OLFML2A: variants seen among roughly 807,000 people sequenced by gnomAD.
OLFML2A encodes the protein olfactomedin-like protein 2A.
In OLFML2A, 47 loss-of-function variants were observed where a neutral mutation model predicts 60.9. That is an observed-to-expected ratio of 0.77 (90% CI 0.61 to 0.98). The LOEUF (loss-of-function observed/expected upper bound fraction) is 0.98, where lower values mean the gene tolerates loss of function less well. Among genes scored for constraint, OLFML2A ranks in the 50% least tolerant of loss-of-function variants. The pLI is 0.00. For synonymous variants in OLFML2A, 372 were observed against 375.0 expected, an observed-to-expected ratio of 0.99 and a Z score of 0.09; for missense variants, 922 against 879.8, an observed-to-expected ratio of 1.05 and a Z score of -0.61.
rs1276167657 is a variant in OLFML2A at position 124,777,380 on chromosome 9, C to T, written c.90+20C>T. On this transcript the variant is annotated intron_variant, in intron 1 of 7. Coordinates refer to ENST00000373580, the MANE Select transcript of OLFML2A (RefSeq NM_182487.4). This position sits in a 1 kb window ranked among gnomAD's most constrained non-coding sequence, Gnocchi z 6.2. ...AGTAAGGTACGCACGCCCCTCGGAC[C>T]CGCGCGGCTCGGCGGGTAGCGGGGC... 8.9e-6 allele frequency: 11 copies of T among 1,239,100 alleles called. No homozygotes were observed. Among genetic ancestry groups the T allele is most frequent in the Non-Finnish European group, 1.1e-5 (11 of 990,050 alleles). 76.8% of individuals were successfully genotyped at this position (1,239,100 alleles called of 1,614,324 possible).
intron 1 of OLFML2A, 32 bp from the exon 2 acceptor site, chr9:124,786,943 C>T (rs1394963098): frequency 1.3e-6 from 2 of 1,588,920 alleles, no homozygotes; most frequent in Admixed American, 3.4e-5. Context: ...CTAGCAGCAA[C>T]TCACTGGAGC....
At chr9:124,785,532 G>T (rs1420359917) in intron 1 of OLFML2A, among the ~76,000 whole-genome samples, 1 of 151,502 alleles carries the variant, frequency 6.6e-6, no homozygotes, top group Non-Finnish European at 1.5e-5. Flanking sequence ...CGAGTAGCTG[G>T]GACCACAGGC....
rs1841931563 is a variant in OLFML2A, at chr9:124,807,861, G to T, written c.1249G>T (p.Ala417Ser). The T allele has an allele frequency of 1.9e-6, 3 of 1,614,130 alleles. No individual in the cohort carries two copies. Among genetic ancestry groups the T allele is most frequent in the African/African-American group, 1.3e-5 (1 of 75,034 alleles). The change falls in exon 7 of 8, where the codon GCC (alanine) becomes TCC (serine). Residue 417 changes from alanine to serine, a missense_variant. Coordinates refer to ENST00000373580, the MANE Select transcript of OLFML2A (RefSeq NM_182487.4). Reference sequence around the variant, plus strand: ...CCACAGCTATGGGCGCCACGAGGGAGCCTGGATGAAGGACCCTGCAGCTCG... The same window carrying T: ...CCACAGCTATGGGCGCCACGAGGGATCCTGGATGAAGGACCCTGCAGCTCG... ...RHHSYGRHEGAWMKDPAARDD... is the reference protein window; with the variant it reads ...RHHSYGRHEGSWMKDPAARDD...
rs933199709 is a variant in OLFML2A at position 124,814,037 on chromosome 9, G to A, written c.*3625G>A. 1 of 152,240 alleles carries A rather than the reference G, an allele frequency of 6.6e-6. No individual in the cohort carries two copies. Among genetic ancestry groups the A allele is most frequent in the Non-Finnish European group, 1.5e-5 (1 of 68,044 alleles). The allele number at this position is 152,240 out of a possible 1,614,324, so 9.4% of individuals were successfully genotyped here. On this transcript the variant is annotated 3_prime_UTR_variant, in exon 8 of 8. Transcript: ENST00000373580. The stretch of plus-strand genomic sequence containing the variant: ...GGTGTTTCTGAACAACGTGACTCAT[G>A]AGGGGCTTTGGCTACCTCTTGCGTT...
Position 124,812,200 on chromosome 9 carries a change from G to A in OLFML2A, c.*1788G>A, listed in dbSNP as rs150084743. On this transcript the variant is annotated 3_prime_UTR_variant, in exon 8 of 8. Transcript: ENST00000373580. ...TTTGAGTTGGAGTTTTGCTCTTGTC[G>A]CCCAGGCTGGAGTGCAGTGGCGCGA... 3,023 of 148,188 alleles carry A rather than the reference G, an allele frequency of 0.02. 102 individuals are homozygous for A. The highest frequency in any genetic ancestry group is 0.072 in the African/African-American group (2,863 of 40,012). The allele number at this position is 148,188 out of a possible 1,614,324, so 9.2% of individuals were successfully genotyped here.
At position 124,808,413 on chromosome 9, in the gene OLFML2A, G is replaced by T. The variant is rs1841944980; in HGVS notation, c.1354+447G>T. Among the ~76,000 whole-genome samples, 3 of 152,302 alleles carry T rather than the reference G, an allele frequency of 2.0e-5. No individual in the cohort carries two copies. In the South Asian group the frequency reaches 6.2e-4, roughly 32 times the overall value. ...TTAGCGGAGCTGCAGGTCTGGGCAGGGGCCAGGATGGAGCTGACGGCACAG... is the reference window on the plus strand; with the variant it reads ...TTAGCGGAGCTGCAGGTCTGGGCAGTGGCCAGGATGGAGCTGACGGCACAG... On this transcript the variant is annotated intron_variant, in intron 7 of 7. Transcript: ENST00000373580.
intron 1 of OLFML2A, among the ~76,000 whole-genome samples, chr9:124,784,968 T>C (rs1363183264): frequency 7.4e-6 from 1 of 135,520 alleles, no homozygotes; most frequent in Non-Finnish European, 1.6e-5. Context: ...TTTTTTTTTT[T>C]TTTGAGACGG....
intron 6 of OLFML2A, among the ~76,000 whole-genome samples, chr9:124,805,685 A>G (rs757714227): frequency 8.6e-5 from 13 of 152,018 alleles, no homozygotes; most frequent in Non-Finnish European, 1.5e-4. Flanking sequence ...CAGGTGACTG[A>G]TACATTAAAA....
rs531999292 is a variant in OLFML2A, at chr9:124,803,683, T to C, written c.920-411T>C. ...ACAAGAGCTTCTCTCTAGAATTGAA[T>C]CTAGCAAATGAGAGAACTGGTACAA... On this transcript the variant is annotated intron_variant, in intron 5 of 7. Coordinates refer to ENST00000373580, the MANE Select transcript of OLFML2A (RefSeq NM_182487.4). 5.9e-4 allele frequency among the ~76,000 whole-genome samples: 90 copies of C among 152,356 alleles called. 1 individual carries two copies. In the South Asian group the frequency reaches 0.018, roughly 30 times the overall value.
chr9:124,777,344 C>G lies in OLFML2A; in HGVS notation c.74C>G (p.Thr25Arg), dbSNP rs1307312394. The change falls in exon 1 of 8, where the codon ACG (threonine) becomes AGG (arginine). Residue 25 changes from threonine (T) to arginine (R), a missense_variant. Thr to Arg is a moderately conservative substitution (Grantham distance 71). Coordinates refer to ENST00000373580, the MANE Select transcript of OLFML2A (RefSeq NM_182487.4). This position sits in a 1 kb window ranked among gnomAD's most constrained non-coding sequence, Gnocchi z 6.2. ...GTGCTGCTGCTGAGCGGCCGCCCCA[C>G]GCGCGCCGACAGTAAGGTACGCACG... ...PLVLLLSGRP[T>R]RADSKVFGDL... 2 of 1,289,112 alleles carry G rather than the reference C, an allele frequency of 1.6e-6. No homozygotes were observed. The highest frequency in any genetic ancestry group is 3.3e-5 in the Admixed American group (1 of 29,860). The allele number at this position is 1,289,112 out of a possible 1,614,324, so 79.9% of individuals were successfully genotyped here.
At position 124,783,608 on chromosome 9, in the gene OLFML2A, A is replaced by C. The variant is rs112059713; in HGVS notation, c.91-3367A>C. Among the ~76,000 whole-genome samples, 706 of 152,366 alleles carry C rather than the reference A, an allele frequency of 4.6e-3. 3 individuals carry two copies. Among genetic ancestry groups the C allele is most frequent in the African/African-American group, 0.016 (681 of 41,576 alleles). ...AAAGCCCATGTTACAGATGAAACAGAGGCACAGAAATATTAAGTTGCCTAC... is the reference window on the plus strand; with the variant it reads ...AAAGCCCATGTTACAGATGAAACAGCGGCACAGAAATATTAAGTTGCCTAC... On this transcript the variant is annotated intron_variant, in intron 1 of 7. Transcript: ENST00000373580.
chr9:124,800,272 G>T (rs980557667), intron 4 of OLFML2A, among the ~76,000 whole-genome samples: 1 of 152,210 alleles, frequency 6.6e-6, no homozygotes, highest in Non-Finnish European at 1.5e-5. Flanking sequence ...AGTCACCCTT[G>T]GGCAAGACAC....
rs751332771 is a variant in OLFML2A, at chr9:124,810,037, C to G, written c.1584C>G (p.Ser528Arg). 9 of 1,613,798 alleles carry G rather than the reference C, an allele frequency of 5.6e-6. No homozygotes were observed. In the East Asian group the frequency reaches 1.8e-4, roughly 32 times the overall value. Residue 528 changes from serine (S) to arginine (R), a missense_variant, in exon 8 of 8, where the codon AGC (serine) becomes AGG (arginine). Transcript: ENST00000373580. Reference protein sequence around the residue: ...HSDIDFAVDESGLWVIYPAVD... With the variant: ...HSDIDFAVDERGLWVIYPAVD... Reference sequence around the variant, plus strand: ...ACATTGACTTTGCCGTGGACGAGAGCGGCCTGTGGGTCATCTACCCCGCCG... The same window carrying G: ...ACATTGACTTTGCCGTGGACGAGAGGGGCCTGTGGGTCATCTACCCCGCCG...
intron 5 of OLFML2A, among the ~76,000 whole-genome samples, 154 bp downstream of exon 5, chr9:124,801,817 C>A (rs1007840196): frequency 3.9e-5 from 6 of 152,204 alleles, no homozygotes; most frequent in Non-Finnish European, 8.8e-5. Flanking sequence ...GAGGATAACA[C>A]CCCACTCAGG....
Position 124,810,113 on chromosome 9 carries a change from G to A in OLFML2A, c.1660G>A (p.Asp554Asn), listed in dbSNP as rs751418527. ...CGAGGTGATCGTCCTGAGTCGCTTG[G>A]ACCCCGGCGATCTCTCCGTGCACCG... The part of the protein sequence containing the change: ...QPEVIVLSRL[D>N]PGDLSVHRET... Residue 554 changes from aspartate to asparagine, a missense_variant, in exon 8 of 8, where the codon GAC becomes AAC. By Grantham distance (23) the Asp-to-Asn change is conservative. Transcript: ENST00000373580. 6.2e-7 allele frequency: 1 copy of A among 1,613,790 alleles called. No individual in the cohort carries two copies. Among genetic ancestry groups the A allele is most frequent in the East Asian group, 2.2e-5 (1 of 44,880 alleles).
At chr9:124,809,350 A>G (rs1841957445) in intron 7 of OLFML2A, among the ~76,000 whole-genome samples, 1 of 152,046 alleles carries the variant, frequency 6.6e-6, no homozygotes, top group Non-Finnish European at 1.5e-5. Flanking sequence ...ACAAAGGGTT[A>G]TGGGAGGCTG....
chr9:124,803,974 G>A (rs1841834946), intron 5 of OLFML2A, 120 bp from the exon 6 acceptor site: 2 of 1,101,474 alleles, frequency 1.8e-6, no homozygotes, highest in South Asian at 1.6e-5. Context: ...AGGAGGCCCT[G>A]AGGAGGCCTC....
At chr9:124,800,826 CAT>C in intron 4 of OLFML2A, 3 of 1,376,136 alleles carry the variant, frequency 2.2e-6, no homozygotes, top group Non-Finnish European at 2.8e-6. Flanking sequence ...GCATCGGAGG[CAT>C]TTAAATAGGA....
At chr9:124,803,969 G>T in intron 5 of OLFML2A, 125 bp from the exon 6 acceptor site, 1 of 1,015,936 alleles carries the variant, frequency 9.8e-7, no homozygotes. Context: ...GTGTGAGGAG[G>T]CCCTGAGGAG....
Sources: allele counts gnomAD v4.1 joint callset (sites outside exome capture counted in the v4.1 genomes callset), GRCh38; gene constraint gnomAD v4.1.1; non-coding constraint Gnocchi (gnomAD v3.1); transcripts MANE v1.5; gene names NCBI Gene and HGNC (gene_info 2026-07-23, HGNC 2026-07-21).